Variants in AKAP8 observed in about 807,000 individuals in gnomAD.
AKAP8 encodes the protein A-kinase anchor protein 8.
A neutral mutation model predicts 67.5 loss-of-function variants in AKAP8; 24 were observed. The ratio of observed to expected loss-of-function variants is 0.36; its 90% CI spans 0.26 to 0.50. The LOEUF is 0.50. AKAP8 is among the 20% of genes least tolerant of loss of function. The pLI is 0.97. For missense variants in AKAP8, 971 were observed against 955.9 expected (o/e 1.02, Z -0.21); for synonymous variants, 400 against 371.1 (o/e 1.08, Z -0.90).
At chr19:15,378,664 CTT>C (rs1967303314) in intron 1 of AKAP8, among the ~76,000 whole-genome samples, 1 of 152,196 alleles carries the variant, frequency 6.6e-6, no homozygotes, top group Non-Finnish European at 1.5e-5. Flanking sequence ...TGCTGGGATA[CTT>C]TTGCCCTGCC....
At chr19:15,376,447 C>T (rs982496565) in intron 2 of AKAP8, among the ~76,000 whole-genome samples, 3 of 152,074 alleles carry the variant, frequency 2.0e-5, no homozygotes, top group Non-Finnish European at 4.4e-5. Context: ...CACACCACTG[C>T]ACTCCAGCCT....
chr19:15,374,787 C>G, intron 2 of AKAP8, 152 bp from the exon 3 acceptor site: 1 of 798,748 alleles, frequency 1.3e-6, no homozygotes, highest in Non-Finnish European at 2.0e-6. Context: ...TTAGCTCACT[C>G]AACTCCTACA....
At position 15,356,330 on chromosome 19, in the gene AKAP8, G is replaced by A. The variant is rs142800682; in HGVS notation, c.1624-960C>T. ...TGAGGCAGCAGAATGGCGTGAACCT[G>A]GGAGGCGGAGCTTGCAGTAAGTCGA... On this transcript the variant is annotated intron_variant, in intron 13 of 13. Coordinates refer to ENST00000269701, the MANE Select transcript of AKAP8 (RefSeq NM_005858.4). Among the ~76,000 whole-genome samples, 880 of 152,158 alleles carry A rather than the reference G, an allele frequency of 5.8e-3. 6 individuals carry two copies. Among genetic ancestry groups the A allele is most frequent in the Non-Finnish European group, 9.7e-3 (657 of 68,030 alleles).
At chr19:15,375,551 CAAA>C (rs925739185) in intron 2 of AKAP8, among the ~76,000 whole-genome samples, 4 of 151,818 alleles carry the variant, frequency 2.6e-5, no homozygotes, top group African/African-American at 9.7e-5. Context: ...TACAAATTAA[CAAA>C]AACTATGAGC....
chr19:15,376,431 C>T lies in AKAP8; in HGVS notation c.58+545G>A, dbSNP rs775868620. 6.6e-5 allele frequency among the ~76,000 whole-genome samples: 10 copies of T among 151,730 alleles called. No individual in the cohort carries two copies. The East Asian group carries it at 1.2e-3, about 18-fold the overall frequency. On this transcript the variant is annotated intron_variant, in intron 2 of 13. Transcript: ENST00000269701. ...TCGGGAGGCTGCGGCTGCAGTAAGC[C>T]GAGATCACACCACTGCACTCCAGCC...
At chr19:15,360,774 C>A in intron 12 of AKAP8, 74 bp downstream of exon 12, 2 of 1,513,456 alleles carry the variant, frequency 1.3e-6, no homozygotes, top group Non-Finnish European at 8.9e-7. Flanking sequence ...GTTGTTATTC[C>A]CCATAAGACA....
At chr19:15,361,235 T>C (rs1279104037) in intron 11 of AKAP8, among the ~76,000 whole-genome samples, 1 of 147,800 alleles carries the variant, frequency 6.8e-6, no homozygotes. Flanking sequence ...GTCACTGATA[T>C]AAGCTGCAAT....
intron 2 of AKAP8, among the ~76,000 whole-genome samples, chr19:15,376,544 C>T (rs1333233293): frequency 1.3e-5 from 2 of 152,236 alleles, no homozygotes; most frequent in Non-Finnish European, 2.9e-5. Context: ...GTAGTGTACA[C>T]TCAGTACACC....
At chr19:15,371,636 G>C (rs1338290185) in intron 7 of AKAP8, among the ~76,000 whole-genome samples, 1 of 151,932 alleles carries the variant, frequency 6.6e-6, no homozygotes, top group Non-Finnish European at 1.5e-5. Flanking sequence ...CTACAGGCAA[G>C]TGCCACCACT....
At position 15,355,073 on chromosome 19, in the gene AKAP8, T is replaced by TG; in HGVS notation, c.1920dup (p.Lys641GlnfsTer5). ...GCCTCTGCAGCCTCACTTCTGGCCT[T>TG]GGGGACGCCCTTCTCATGTGCCGTT... On this transcript the variant is annotated frameshift_variant, in exon 14 of 14. Transcript: ENST00000269701. LOFTEE classifies it low-confidence loss of function (END_TRUNC). 1 of 1,614,080 alleles carries TG rather than the reference T, an allele frequency of 6.2e-7. No homozygotes were observed. The highest frequency in any genetic ancestry group is 8.5e-7 in the Non-Finnish European group (1 of 1,180,042).
chr19:15,375,518 C>T (rs1967236434), intron 2 of AKAP8, among the ~76,000 whole-genome samples: 2 of 152,262 alleles, frequency 1.3e-5, no homozygotes, highest in African/African-American at 4.8e-5. Context: ...CACTTACACA[C>T]TGGATCAAAA....
At chr19:15,357,059 A>G (rs2145058574) in intron 13 of AKAP8, among the ~76,000 whole-genome samples, 1 of 152,158 alleles carries the variant, frequency 6.6e-6, no homozygotes, top group South Asian at 2.1e-4. Flanking sequence ...CCCGGATTCA[A>G]GCAATTCACT....
In AKAP8 at chr19:15,376,999, C is replaced by T. The variant is rs568660290; in HGVS notation, c.35G>A (p.Ser12Asn). Residue 12 changes from serine to asparagine, a missense_variant, in exon 2 of 14, where the codon AGT becomes AAT. Ser to Asn is a conservative substitution (Grantham distance 46, BLOSUM62 1). Transcript: ENST00000269701. The stretch of plus-strand genomic sequence containing the variant: ...ACCCTGGGTGTTGGCAGGTCCAGCA[C>T]TCCACGCCCCGTAGCCTGCAAGAAG... ...DQGYGGYGAW[S>N]AGPANTQGAY... The T allele has an allele frequency of 5.6e-5, 91 of 1,613,162 alleles. No individual in the cohort carries two copies. The highest frequency in any genetic ancestry group is 7.3e-5 in the Non-Finnish European group (86 of 1,179,732).
Position 15,373,328 on chromosome 19 carries a change from G to A in AKAP8, c.384C>T (p.Phe128=). The A allele has an allele frequency of 6.2e-7, 1 of 1,607,146 alleles. No individual in the cohort carries two copies. Among genetic ancestry groups the A allele is most frequent in the Non-Finnish European group, 8.5e-7 (1 of 1,176,466 alleles). The change falls in exon 5 of 14, where the codon TTC becomes TTT. Residue 128 remains phenylalanine (F), a synonymous_variant. Transcript: ENST00000269701. ...GIQDRESSFR[F]QPFESYDSRP... The stretch of plus-strand genomic sequence containing the variant: ...TGGAGTCATAGGACTCGAACGGCTG[G>A]AAGCGGAAGGAGCTGCAACAGAAGC...
chr19:15,374,614 G>A lies in AKAP8; in HGVS notation c.80C>T (p.Ala27Val). 1 of 1,613,520 alleles carries A rather than the reference G, an allele frequency of 6.2e-7. No homozygotes were observed. The highest frequency in any genetic ancestry group is 8.5e-7 in the Non-Finnish European group (1 of 1,179,748). The change falls in exon 3 of 14, where the codon GCC becomes GTC. Residue 27 changes from alanine to valine, a missense_variant. Around this residue, in one of 3 missense-constraint regions of AKAP8, gnomAD observed 763 missense variants for 745.4 expected, o/e 1.02. Coordinates refer to ENST00000269701, the MANE Select transcript of AKAP8 (RefSeq NM_005858.4). ...ACAGAAGGGCTTACCTTGCCAGCTG[G>A]CCACACCAGTTCCATATGCACCTTA... ...NTQGAYGTGV[A>V]SWQGYENYNY...
rs377635995 is a variant in AKAP8 at position 15,368,550 on chromosome 19, C to T, written c.1073-228G>A. 6.3e-5 allele frequency: 62 copies of T among 985,232 alleles called. No individual in the cohort carries two copies. In the East Asian group the frequency reaches 1.9e-3, roughly 31 times the overall value. 61.0% of individuals were successfully genotyped at this position (985,232 alleles called of 1,614,324 possible). Reference sequence around the variant, plus strand: ...ACCAAACTCCCCACATGGCCTGAGGCGGCCAGGATGGGCTAGGGACACAGC... The same window carrying T: ...ACCAAACTCCCCACATGGCCTGAGGTGGCCAGGATGGGCTAGGGACACAGC... On this transcript the variant is annotated intron_variant, in intron 8 of 13. Coordinates refer to ENST00000269701, the MANE Select transcript of AKAP8 (RefSeq NM_005858.4).
At chr19:15,368,365 A>G (rs747398705) in intron 8 of AKAP8, 43 bp from the exon 9 acceptor site, 2 of 1,611,912 alleles carry the variant, frequency 1.2e-6, no homozygotes, top group South Asian at 2.2e-5. Context: ...AGTGGCCTGC[A>G]AAGGAGCTGA....
Position 15,372,033 on chromosome 19 carries a change from G to C in AKAP8, c.992-35C>G, listed in dbSNP as rs185384169. Reference sequence around the variant, plus strand: ...ACAAAGAAAGGAAAAGTCAGTCCCCGGAGAACGGTCCCATCCGGTTTCCGC... The same window carrying C: ...ACAAAGAAAGGAAAAGTCAGTCCCCCGAGAACGGTCCCATCCGGTTTCCGC... On this transcript the variant is annotated intron_variant, in intron 6 of 13. Transcript: ENST00000269701. 5.0e-6 allele frequency: 8 copies of C among 1,613,568 alleles called. No homozygotes were observed. In the East Asian group the frequency reaches 1.8e-4, roughly 36 times the overall value.
chr19:15,376,977 C>G lies in AKAP8; in HGVS notation c.57G>C (p.Gln19His). Reference protein sequence around the residue: ...GAWSAGPANTQGAYGTGVASW... With the variant: ...GAWSAGPANTHGAYGTGVASW... ...ACCCGCAAAGCAGAGCCCACTTACC[C>G]TGGGTGTTGGCAGGTCCAGCACTCC... The change falls in exon 2 of 14, where the codon CAG (glutamine) becomes CAC (histidine). Residue 19 changes from glutamine (Q) to histidine (H), a missense_variant and splice_region_variant. Gln to His is a conservative substitution (Grantham distance 24, BLOSUM62 0). This residue lies in a region of AKAP8 where 763 missense variants were observed against 745.4 expected (regional missense o/e 1.02). Transcript: ENST00000269701. 4 of 1,612,712 alleles carry G rather than the reference C, an allele frequency of 2.5e-6. No homozygotes were observed. The highest frequency in any genetic ancestry group is 3.4e-6 in the Non-Finnish European group (4 of 1,179,452).
Sources: gnomAD v4.1 joint callset for allele counts (sites outside exome capture counted in the v4.1 genomes callset) on GRCh38, gnomAD v4.1.1 for gene constraint, gnomAD v4.1.1 regional missense constraint, MANE v1.5 for transcripts, NCBI Gene and HGNC (gene_info 2026-07-23, HGNC 2026-07-21) for gene names.